HIBADH: variants seen among roughly 807,000 people sequenced by gnomAD.
The protein encoded by HIBADH is 3-hydroxyisobutyrate dehydrogenase.
Under a neutral mutation model 36.1 loss-of-function variants are expected in HIBADH, and 25 were observed. That is an observed-to-expected ratio of 0.69 (90% CI 0.50 to 0.97). The LOEUF (loss-of-function observed/expected upper bound fraction) is 0.97, where lower values mean the gene tolerates loss of function less well. HIBADH is among the 50% of genes least tolerant of loss of function. The pLI is 0.00. For missense variants in HIBADH, 421 were observed against 418.0 expected, an observed-to-expected ratio of 1.01 and a Z score of -0.06; for synonymous variants, 160 against 149.5, an observed-to-expected ratio of 1.07 and a Z score of -0.51.
chr7:27,551,493 G>A (rs1365076925), intron 4 of HIBADH, among the ~76,000 whole-genome samples: 1 of 152,096 alleles, frequency 6.6e-6, no homozygotes, highest in Non-Finnish European at 1.5e-5. Flanking sequence ...TAAACATGTC[G>A]AAGTCTTTGA....
chr7:27,558,566 A>G (rs1249745467), intron 4 of HIBADH, among the ~76,000 whole-genome samples: 4 of 152,044 alleles, frequency 2.6e-5, no homozygotes, highest in African/African-American at 9.7e-5. Context: ...AGCTCAAGCA[A>G]TCCACCTGCG....
At chr7:27,550,649 C>A (rs1215295708) in intron 4 of HIBADH, among the ~76,000 whole-genome samples, 3 of 152,074 alleles carry the variant, frequency 2.0e-5, no homozygotes, top group Non-Finnish European at 2.9e-5. Flanking sequence ...TATTTCATGA[C>A]CCCCCTTTCT....
intron 4 of HIBADH, among the ~76,000 whole-genome samples, chr7:27,571,554 T>A (rs373116944): frequency 1.3e-5 from 2 of 152,218 alleles, no homozygotes; most frequent in Non-Finnish European, 2.9e-5. Flanking sequence ...GTTTTATGTA[T>A]AGTCATTTCA....
At chr7:27,586,337 A>G (rs1307229192) in intron 4 of HIBADH, among the ~76,000 whole-genome samples, 1 of 141,754 alleles carries the variant, frequency 7.1e-6, no homozygotes, top group Non-Finnish European at 1.6e-5. Context: ...ATGTGGAAAA[A>G]AAGAAAGAGA....
intron 4 of HIBADH, among the ~76,000 whole-genome samples, chr7:27,544,198 TTA>T (rs549323810): frequency 2.0e-5 from 3 of 152,202 alleles, no homozygotes; most frequent in Non-Finnish European, 4.4e-5. Context: ...AATACAGTAT[TTA>T]TATATTTTTT....
chr7:27,563,451 T>C (rs1420733756), intron 4 of HIBADH, among the ~76,000 whole-genome samples: 1 of 152,222 alleles, frequency 6.6e-6, no homozygotes, highest in Non-Finnish European at 1.5e-5. Context: ...TAAGTGTATG[T>C]TTAACTTTAT....
chr7:27,620,474 AAAC>A (rs869115214), intron 4 of HIBADH, among the ~76,000 whole-genome samples: 24 of 152,138 alleles, frequency 1.6e-4, no homozygotes, highest in Non-Finnish European at 2.8e-4. Context: ...CTGACAGGAA[AAAC>A]AACAACAACA....
At chr7:27,589,068 T>C (rs933155930) in intron 4 of HIBADH, among the ~76,000 whole-genome samples, 26 of 152,342 alleles carry the variant, frequency 1.7e-4, no homozygotes, top group African/African-American at 6.0e-4. Flanking sequence ...CAAATAGCTA[T>C]CCCACAGGAA....
chr7:27,569,126 T>C (rs894802464), intron 4 of HIBADH, among the ~76,000 whole-genome samples: 1 of 152,198 alleles, frequency 6.6e-6, no homozygotes, highest in Admixed American at 6.5e-5. Flanking sequence ...CACTCTGCTT[T>C]TGAACATATC....
chr7:27,598,620 A>T (rs2128289911), intron 4 of HIBADH, among the ~76,000 whole-genome samples: 1 of 152,322 alleles, frequency 6.6e-6, no homozygotes, highest in Non-Finnish European at 1.5e-5. Context: ...CAGTTTTAGT[A>T]CAACATTTAT....
Position 27,526,084 on chromosome 7 carries a change from T to C in HIBADH, c.*130A>G. On this transcript the variant is annotated 3_prime_UTR_variant, in exon 8 of 8. Coordinates refer to ENST00000265395, the MANE Select transcript of HIBADH (RefSeq NM_152740.4). Reference sequence around the variant, plus strand: ...AATAAGCGGTGAAAAATCCTAGGGATTACTGTGACCTAGACAATCAAAAGC... The same window carrying C: ...AATAAGCGGTGAAAAATCCTAGGGACTACTGTGACCTAGACAATCAAAAGC... The C allele has an allele frequency of 3.0e-6, 2 of 670,178 alleles. No homozygotes were observed. The highest frequency in any genetic ancestry group is 4.6e-5 in the South Asian group (1 of 21,682). The allele number at this position is 670,178 out of a possible 1,614,324, so 41.5% of individuals were successfully genotyped here.
chr7:27,537,619 G>A (rs2128183702), intron 6 of HIBADH, among the ~76,000 whole-genome samples: 1 of 152,022 alleles, frequency 6.6e-6, no homozygotes, highest in South Asian at 2.1e-4. Context: ...TTAATTAGGT[G>A]ATTAATCATA....
chr7:27,542,402 G>A (rs1784164443), intron 5 of HIBADH, among the ~76,000 whole-genome samples: 1 of 145,508 alleles, frequency 6.9e-6, no homozygotes, highest in Non-Finnish European at 1.5e-5. Flanking sequence ...TGGGATGACA[G>A]ACATGTCAAG....
chr7:27,563,013 G>A (rs894498998), intron 4 of HIBADH, among the ~76,000 whole-genome samples: 1 of 152,068 alleles, frequency 6.6e-6, no homozygotes, highest in Non-Finnish European at 1.5e-5. Flanking sequence ...CATCAGTGAG[G>A]ATACGAAATA....
At chr7:27,572,046 T>C (rs1026291809) in intron 4 of HIBADH, among the ~76,000 whole-genome samples, 1 of 152,212 alleles carries the variant, frequency 6.6e-6, no homozygotes, top group African/African-American at 2.4e-5. Context: ...TTTGGCTTTG[T>C]TGGGGCCTAA....
At chr7:27,622,766 A>C (rs1427750222) in intron 4 of HIBADH, among the ~76,000 whole-genome samples, 1 of 152,218 alleles carries the variant, frequency 6.6e-6, no homozygotes, top group African/African-American at 2.4e-5. Flanking sequence ...ATAGGTAGCA[A>C]GATGGAAAGA....
chr7:27,645,705 C>G (rs192194389), intron 2 of HIBADH, among the ~76,000 whole-genome samples: 1 of 152,124 alleles, frequency 6.6e-6, no homozygotes, highest in African/African-American at 2.4e-5. Context: ...TTCTACGATG[C>G]CTAATGATGT....
At chr7:27,575,460 C>T (rs889823446) in intron 4 of HIBADH, among the ~76,000 whole-genome samples, 3 of 151,702 alleles carry the variant, frequency 2.0e-5, no homozygotes, top group African/African-American at 4.8e-5. Context: ...TGTGGAGAGC[C>T]TTGAATGGCA....
intron 4 of HIBADH, among the ~76,000 whole-genome samples, chr7:27,577,411 C>T (rs963454680): frequency 4.6e-5 from 7 of 152,122 alleles, no homozygotes; most frequent in African/African-American, 1.7e-4. Flanking sequence ...GATCTGCCGA[C>T]CTCGGCCTCC....
Sources: gnomAD v4.1 joint callset for allele counts (sites outside exome capture counted in the v4.1 genomes callset) on GRCh38, gnomAD v4.1.1 for gene constraint, MANE v1.5 for transcripts, NCBI Gene and HGNC (gene_info 2026-07-23, HGNC 2026-07-21) for gene names.